The following JMJD1C variants were observed in gnomAD, a reference collection of about 807,000 sequenced individuals.
JMJD1C encodes jumonji domain containing 1C, also known as jumonji domain-containing protein 1C.
Under a neutral mutation model 245.3 loss-of-function variants are expected in JMJD1C, and 31 were observed. That is an observed-to-expected ratio of 0.13 (90% confidence interval 0.09 to 0.17). The LOEUF is 0.17. Ranked by LOEUF, JMJD1C falls within the 10% of genes least tolerant of loss-of-function variation. The pLI is 1.00. For synonymous variants in JMJD1C, 1,057 were observed against 1,017.4 expected (o/e 1.04, Z -0.74); for missense variants, 2,691 against 3,000.2 (o/e 0.90, Z 2.41).
At chr10:63,247,942 C>T (rs1205482596) in intron 3 of JMJD1C, among the ~76,000 whole-genome samples, 1 of 151,966 alleles carries the variant, frequency 6.6e-6, no homozygotes, top group African/African-American at 2.4e-5. Flanking sequence ...AAAAAGGAAA[C>T]TATAGGCCTG....
intron 3 of JMJD1C, among the ~76,000 whole-genome samples, chr10:63,233,692 T>C (rs1850286810): frequency 6.6e-6 from 1 of 150,848 alleles, no homozygotes. Context: ...ACTAGAAAGA[T>C]TTTATATATA....
chr10:63,508,146 T>C (rs1954777265), intron 1 of JMJD1C, among the ~76,000 whole-genome samples: 1 of 152,242 alleles, frequency 6.6e-6, no homozygotes, highest in Non-Finnish European at 1.5e-5. Context: ...CAATCTTGGA[T>C]TGTAATCTGC....
intron 1 of JMJD1C, among the ~76,000 whole-genome samples, chr10:63,422,683 A>G (rs1950192717): frequency 6.6e-6 from 1 of 152,186 alleles, no homozygotes; most frequent in Non-Finnish European, 1.5e-5. Context: ...TGAGGGCAAT[A>G]ATATGCTTCC....
intron 2 of JMJD1C, among the ~76,000 whole-genome samples, chr10:63,283,034 T>C (rs575950362): frequency 6.6e-6 from 1 of 152,080 alleles, no homozygotes. Flanking sequence ...TTTTCTTAAT[T>C]CAGGTCAGTT....
At position 63,204,843 on chromosome 10, in the gene JMJD1C, GCCT is replaced by G. The variant is rs1037845071; in HGVS notation, c.5074+1749_5074+1751del. 3 of 985,064 alleles carry G rather than the reference GCCT, an allele frequency of 3.0e-6. No individual in the cohort carries two copies. In the African/African-American group the frequency reaches 5.3e-5, roughly 17 times the overall value. The allele number at this position is 985,064 out of a possible 1,614,324, so 61.0% of individuals were successfully genotyped here. A position where few individuals can be genotyped will look rare whatever the true frequency, so the allele number is the denominator to read the frequency against. On this transcript the variant is annotated intron_variant, in intron 10 of 25. Transcript: ENST00000399262. ...CTCCTGTTTTCCTCTCCTTCACTTT[GCCT>G]CTGGTTTCCACACAGGCATGTGGGA...
intron 22 of JMJD1C, among the ~76,000 whole-genome samples, chr10:63,181,070 T>C (rs1843421459): frequency 6.6e-6 from 1 of 152,118 alleles, no homozygotes; most frequent in African/African-American, 2.4e-5. Flanking sequence ...TTTCACTACG[T>C]TGGCTAGCTG....
Position 63,214,853 on chromosome 10 carries a change from C to T in JMJD1C, c.1314G>A (p.Gln438=). The T allele has an allele frequency of 6.2e-7, 1 of 1,613,916 alleles. No individual in the cohort carries two copies. The highest frequency in any genetic ancestry group is 8.5e-7 in the Non-Finnish European group (1 of 1,179,956). ...CTGCTTCTTCATGTTTTTTATCTTC[C>T]TGTATTTGATCCCAGGGAGGCTGGC... is the stretch of plus-strand genomic sequence containing the variant. ...KNSQPPWDQI[Q]EDKKHEEAEK... The change falls in exon 8 of 26, where the codon CAG becomes CAA. Residue 438 remains glutamine (Q), a synonymous_variant. Transcript: ENST00000399262.
At position 63,200,668 on chromosome 10, in the gene JMJD1C, G is replaced by A; in HGVS notation, c.5084C>T (p.Pro1695Leu). ...KLQSNSNTGI[P>L]RSVLKDWRKV... ...ACGCCAATCTTTCAATACTGAACGA[G>A]GAATGCCAGCTGTAAAATCAGTAGG... is the stretch of plus-strand genomic sequence containing the variant. The change falls in exon 11 of 26, where the codon CCT (proline) becomes CTT (leucine). Residue 1695 changes from proline (P) to leucine (L), a missense_variant. Pro to Leu is a moderately conservative substitution (Grantham distance 98). This residue lies in a region of JMJD1C where 139 missense variants were observed against 270.5 expected (regional missense o/e 0.51). Transcript: ENST00000399262. 2.2e-5 allele frequency: 35 copies of A among 1,613,776 alleles called. No homozygotes were observed. Among genetic ancestry groups the A allele is most frequent in the Non-Finnish European group, 3.0e-5 (35 of 1,179,790 alleles).
chr10:63,264,007 C>CACACACACAA (rs1198176935), intron 3 of JMJD1C, among the ~76,000 whole-genome samples: 3 of 136,716 alleles, frequency 2.2e-5, no homozygotes, highest in African/African-American at 8.3e-5. Context: ...CACACACACA[C>CACACACACAA]AATTCTGTGA....
chr10:63,494,919 G>A (rs979491961), intron 1 of JMJD1C, among the ~76,000 whole-genome samples: 2 of 152,144 alleles, frequency 1.3e-5, no homozygotes, highest in African/African-American at 4.8e-5. Context: ...CTGAGGTCAA[G>A]TACCTTGAGG....
intron 2 of JMJD1C, among the ~76,000 whole-genome samples, chr10:63,364,348 T>C (rs1423687169): frequency 2.0e-5 from 3 of 152,308 alleles, no homozygotes; most frequent in East Asian, 3.9e-4. Context: ...CTGGCCCAGT[T>C]TTCTTTAATC....
chr10:63,280,894 T>C (rs1415380083), intron 2 of JMJD1C, among the ~76,000 whole-genome samples: 2 of 151,906 alleles, frequency 1.3e-5, no homozygotes, highest in East Asian at 1.9e-4. Context: ...GCTGTCCCGC[T>C]TGACAGAAAT....
At chr10:63,215,229 T>C in intron 7 of JMJD1C, 34 bp downstream of exon 7, 1 of 1,569,536 alleles carries the variant, frequency 6.4e-7, no homozygotes, top group Non-Finnish European at 8.6e-7. Flanking sequence ...GTTTTATTTG[T>C]TTTCATTCCC....
chr10:63,337,466 G>T (rs1942866936), intron 2 of JMJD1C, among the ~76,000 whole-genome samples: 2 of 67,308 alleles, frequency 3.0e-5, no homozygotes, highest in Non-Finnish European at 2.8e-5. Context: ...CGGGGGGGGG[G>T]GAGGGAGAGA....
chr10:63,192,850 T>G (rs1844997365), intron 16 of JMJD1C, 88 bp downstream of exon 16: 1 of 990,384 alleles, frequency 1.0e-6, no homozygotes, highest in Non-Finnish European at 1.6e-6. Flanking sequence ...TACCTCAATA[T>G]TAACAGTACT....
rs1487713254 is a variant in JMJD1C, at chr10:63,168,573, C to A, written c.7402-7G>T. On this transcript the variant is annotated splice_region_variant and splice_polypyrimidine_tract_variant and intron_variant, in intron 24 of 25. Coordinates refer to ENST00000399262, the MANE Select transcript of JMJD1C (RefSeq NM_032776.3). ...AGCTGTGAAAATTCTGAACCTATCCCCAAAAGAAAAACCGTGAAATACAAG... is the reference window on the plus strand; with the variant it reads ...AGCTGTGAAAATTCTGAACCTATCCACAAAAGAAAAACCGTGAAATACAAG... 2 of 1,557,758 alleles carry A rather than the reference C, an allele frequency of 1.3e-6. No individual in the cohort carries two copies. Among genetic ancestry groups the A allele is most frequent in the South Asian group, 1.2e-5 (1 of 81,130 alleles).
chr10:63,432,668 T>C (rs1184752922), intron 1 of JMJD1C, among the ~76,000 whole-genome samples: 1 of 152,236 alleles, frequency 6.6e-6, no homozygotes, highest in African/African-American at 2.4e-5. Context: ...CTTATCTATT[T>C]TGTTTAACCA....
In JMJD1C at chr10:63,219,903, T is replaced by C; in HGVS notation, c.528A>G (p.Gln176=). The change falls in exon 4 of 26, where the codon CAA becomes CAG. Residue 176 remains glutamine (Q), a synonymous_variant. Transcript: ENST00000399262. ...HEEVKVWVKE[Q]KVQEIFMQGP... Reference sequence around the variant, plus strand: ...CTTGCATAAAAATCTCCTGAACCTTTTGTTCCTTTACCCAGACTTTCACTT... The same window carrying C: ...CTTGCATAAAAATCTCCTGAACCTTCTGTTCCTTTACCCAGACTTTCACTT... 1 of 1,613,592 alleles carries C rather than the reference T, an allele frequency of 6.2e-7. No homozygotes were observed. The highest frequency in any genetic ancestry group is 8.5e-7 in the Non-Finnish European group (1 of 1,179,580).
intron 1 of JMJD1C, among the ~76,000 whole-genome samples, chr10:63,493,641 C>A (rs1297532116): frequency 6.6e-6 from 1 of 152,128 alleles, no homozygotes; most frequent in East Asian, 1.9e-4. Context: ...AGCCACCACA[C>A]CCGGCTAATT....
Sources: gnomAD v4.1 joint callset for allele counts (sites outside exome capture counted in the v4.1 genomes callset) on GRCh38, gnomAD v4.1.1 for gene constraint, gnomAD v4.1.1 regional missense constraint, MANE v1.5 for transcripts, NCBI Gene and HGNC (gene_info 2026-07-23, HGNC 2026-07-21) for gene names.